The following ABI3BP variants were observed in gnomAD, a reference collection of about 807,000 sequenced individuals.
ABI3BP encodes the protein ABI family member 3 binding protein.
In ABI3BP, 216 loss-of-function variants were observed where a neutral mutation model predicts 268.6. The ratio of observed to expected loss-of-function variants is 0.80; its 90% CI spans 0.72 to 0.90. The LOEUF is 0.90. ABI3BP is among the 40% of genes least tolerant of loss of function. The pLI is 0.00. For synonymous variants in ABI3BP, 730 were observed against 730.0 expected (o/e 1.00, Z 0.00); for missense variants, 2,090 against 2,182.4 (o/e 0.96, Z 0.84).
intron 1 of ABI3BP, among the ~76,000 whole-genome samples, chr3:100,963,030 T>A (rs1191693521): frequency 1.3e-5 from 2 of 152,146 alleles, no homozygotes; most frequent in African/African-American, 4.8e-5. Context: ...GTACAGGAAA[T>A]AACCATCACT....
At chr3:100,964,374 C>T (rs1240391589) in intron 1 of ABI3BP, among the ~76,000 whole-genome samples, 5 of 152,208 alleles carry the variant, frequency 3.3e-5, no homozygotes, top group Non-Finnish European at 7.3e-5. Context: ...ATAAATCAGA[C>T]ACCACTTCCT....
intron 2 of ABI3BP, among the ~76,000 whole-genome samples, chr3:100,905,108 G>A (rs2052669266): frequency 6.6e-6 from 1 of 152,164 alleles, no homozygotes; most frequent in Non-Finnish European, 1.5e-5. Flanking sequence ...CATGTCCTTT[G>A]TAGGGACATG....
At chr3:100,966,696 A>G (rs1481306405) in intron 1 of ABI3BP, among the ~76,000 whole-genome samples, 2 of 152,256 alleles carry the variant, frequency 1.3e-5, no homozygotes, top group African/African-American at 2.4e-5. Flanking sequence ...GTAAAGATTC[A>G]AAATACCTCC....
chr3:100,949,917 G>A (rs1260758758), intron 1 of ABI3BP, among the ~76,000 whole-genome samples: 3 of 152,158 alleles, frequency 2.0e-5, no homozygotes, highest in Non-Finnish European at 4.4e-5. Context: ...TTGTTCAACT[G>A]TTATATGGAT....
intron 9 of ABI3BP, among the ~76,000 whole-genome samples, chr3:100,867,518 G>A (rs1393256468): frequency 6.6e-6 from 1 of 151,184 alleles, no homozygotes; most frequent in African/African-American, 2.4e-5. Flanking sequence ...GCGGGCCCCT[G>A]TAGTCCCAGC....
chr3:100,803,632 A>G (rs912758717), intron 51 of ABI3BP, among the ~76,000 whole-genome samples: 2 of 151,940 alleles, frequency 1.3e-5, no homozygotes, highest in African/African-American at 4.8e-5. Flanking sequence ...TACTAATATT[A>G]TTTTTTATAC....
chr3:100,823,615 G>GAA, intron 36 of ABI3BP, 101 bp from the exon 37 acceptor site: 2 of 800,234 alleles, frequency 2.5e-6, no homozygotes, highest in Admixed American at 3.6e-5. Flanking sequence ...TTCTTCCAGA[G>GAA]AAACAAAAAA....
chr3:100,782,839 A>T (rs2096909643), intron 57 of ABI3BP, among the ~76,000 whole-genome samples: 1 of 152,152 alleles, frequency 6.6e-6, no homozygotes, highest in South Asian at 2.1e-4. Flanking sequence ...ATTGGCACCC[A>T]ATTAGACAGT....
At position 100,752,729 on chromosome 3, in the gene ABI3BP, T is replaced by C. The variant is rs920601467; in HGVS notation, c.5122+58A>G. On this transcript the variant is annotated intron_variant, in intron 66 of 67. Transcript: ENST00000471714. ...CTTAAGAAAAGGCCAAGTTGTACAATGCTGCAAAACATTCCCATAAGTTAA... is the reference window on the plus strand; with the variant it reads ...CTTAAGAAAAGGCCAAGTTGTACAACGCTGCAAAACATTCCCATAAGTTAA... 32 of 1,573,492 alleles carry C rather than the reference T, an allele frequency of 2.0e-5. No homozygotes were observed. The African/African-American group carries it at 4.1e-4, about 20-fold the overall frequency.
intron 2 of ABI3BP, among the ~76,000 whole-genome samples, chr3:100,913,134 C>T (rs1185887732): frequency 6.6e-6 from 1 of 152,176 alleles, no homozygotes; most frequent in East Asian, 1.9e-4. Context: ...CTTTGCACTC[C>T]ACCCACCCCA....
chr3:100,920,894 A>G (rs1306149344), intron 2 of ABI3BP, among the ~76,000 whole-genome samples: 1 of 152,198 alleles, frequency 6.6e-6, no homozygotes, highest in Non-Finnish European at 1.5e-5. Flanking sequence ...TCAAAAGTAA[A>G]CAGGTATTCT....
At chr3:100,947,269 G>C (rs1292560924) in intron 1 of ABI3BP, among the ~76,000 whole-genome samples, 1 of 152,058 alleles carries the variant, frequency 6.6e-6, no homozygotes, top group Non-Finnish European at 1.5e-5. Flanking sequence ...AAGTGGCTTG[G>C]CATCATTGCC....
In ABI3BP at chr3:100,843,516, A is replaced by C. The variant is rs116815775; in HGVS notation, c.1724-1477T>G. 2,804 of 902,108 alleles carry C rather than the reference A, an allele frequency of 3.1e-3. 65 individuals are homozygous for C. The African/African-American group carries it at 0.058, about 19-fold the overall frequency. 55.9% of individuals were successfully genotyped at this position (902,108 alleles called of 1,614,324 possible). ...GAGGGAAAGAAAGAGAGGGAGGGAG[A>C]GGATGTGTGTGTGTGTGTGTGTGTG... On this transcript the variant is annotated intron_variant, in intron 20 of 67. Transcript: ENST00000471714.
At chr3:100,896,369 G>C (rs1366155974) in intron 4 of ABI3BP, among the ~76,000 whole-genome samples, 9 of 152,040 alleles carry the variant, frequency 5.9e-5, no homozygotes, top group South Asian at 2.1e-4. Flanking sequence ...TCAAACCATG[G>C]CAACATCTAT....
At position 100,902,628 on chromosome 3, in the gene ABI3BP, CTTCTT is replaced by C. The variant is rs1561471872; in HGVS notation, c.313_317del (p.Lys105ValfsTer5). The C allele has an allele frequency of 6.2e-7, 1 of 1,613,854 alleles. No individual in the cohort carries two copies. Among genetic ancestry groups the C allele is most frequent in the East Asian group, 2.2e-5 (1 of 44,884 alleles). The stretch of plus-strand genomic sequence containing the variant: ...TGCAAAGGACTATACCTGAACATGA[CTTCTT>C]TTGACTTGGAGGTGGAGCAGGTCGC... On this transcript the variant is annotated frameshift_variant, in exon 3 of 68. Coordinates refer to ENST00000471714, the MANE Select transcript of ABI3BP (RefSeq NM_001375547.2). LOFTEE classifies it high-confidence loss of function.
intron 3 of ABI3BP, among the ~76,000 whole-genome samples, chr3:100,900,898 T>C (rs2049996472): frequency 6.6e-6 from 1 of 152,194 alleles, no homozygotes; most frequent in Non-Finnish European, 1.5e-5. Flanking sequence ...AAAATGAAGT[T>C]ATAAAGTGCT....
chr3:100,819,053 C>A (rs1451022301), intron 40 of ABI3BP, among the ~76,000 whole-genome samples: 1 of 152,176 alleles, frequency 6.6e-6, no homozygotes, highest in African/African-American at 2.4e-5. Flanking sequence ...AGGCACTCAG[C>A]AAATCAGGAT....
intron 2 of ABI3BP, 80 bp from the exon 3 acceptor site, chr3:100,902,766 C>G: frequency 8.4e-7 from 1 of 1,184,712 alleles, no homozygotes. Flanking sequence ...CCTGATTCAG[C>G]ATTCCCTGAG....
At chr3:100,961,225 G>T (rs1466007571) in intron 1 of ABI3BP, among the ~76,000 whole-genome samples, 1 of 152,220 alleles carries the variant, frequency 6.6e-6, no homozygotes. Context: ...CACCCCAGCT[G>T]CTCACTATCA....
Sources: allele counts gnomAD v4.1 joint callset (sites outside exome capture counted in the v4.1 genomes callset), GRCh38; gene constraint gnomAD v4.1.1; transcripts MANE v1.5; gene names NCBI Gene and HGNC (gene_info 2026-07-23, HGNC 2026-07-21).